The following RFX4 variants were observed in gnomAD, a reference collection of about 807,000 sequenced individuals.
RFX4 encodes the protein regulatory factor X4, also known as transcription factor RFX4.
Under a neutral mutation model 95.0 loss-of-function variants are expected in RFX4, and 10 were observed. That is an observed-to-expected ratio of 0.11 (90% CI 0.06 to 0.18). The LOEUF (loss-of-function observed/expected upper bound fraction) is 0.18, where lower values mean the gene tolerates loss of function less well. RFX4 is among the 10% of genes least tolerant of loss of function. The pLI is 1.00. For missense variants in RFX4, 640 were observed against 922.0 expected (o/e 0.69, Z 3.96); for synonymous variants, 321 against 340.7 (o/e 0.94, Z 0.64).
chr12:106,652,743 T>C (rs1159307009), intron 3 of RFX4, among the ~76,000 whole-genome samples: 2 of 152,224 alleles, frequency 1.3e-5, no homozygotes, highest in African/African-American at 4.8e-5. Context: ...ACTGATGTTC[T>C]TGCAATCACA....
At chr12:106,634,190 T>C (rs2040469243) in intron 2 of RFX4, among the ~76,000 whole-genome samples, 1 of 152,232 alleles carries the variant, frequency 6.6e-6, no homozygotes, top group Non-Finnish European at 1.5e-5. Flanking sequence ...CTTTTGTGAA[T>C]ATAAAGCAAC....
chr12:106,734,900 C>A (rs1039097072), intron 15 of RFX4, among the ~76,000 whole-genome samples: 3 of 151,904 alleles, frequency 2.0e-5, no homozygotes, highest in African/African-American at 4.8e-5. Context: ...CATCTCTACA[C>A]AAGCTTTTTA....
chr12:106,691,577 T>C (rs1286316824), intron 7 of RFX4, among the ~76,000 whole-genome samples: 1 of 152,226 alleles, frequency 6.6e-6, no homozygotes, highest in Non-Finnish European at 1.5e-5. Context: ...ACACCTTGAC[T>C]TTACAGTTGG....
At chr12:106,673,989 C>T (rs2041342336) in intron 4 of RFX4, among the ~76,000 whole-genome samples, 1 of 152,208 alleles carries the variant, frequency 6.6e-6, no homozygotes, top group Admixed American at 6.5e-5. Flanking sequence ...CACTCCCCTC[C>T]TTAAAGCCCT....
chr12:106,675,242 C>A (rs891041092), intron 4 of RFX4, among the ~76,000 whole-genome samples: 1 of 152,066 alleles, frequency 6.6e-6, no homozygotes, highest in Non-Finnish European at 1.5e-5. Context: ...ACCAGCCTGG[C>A]CAACATGGCA....
At chr12:106,722,813 G>T (rs571239149) in intron 13 of RFX4, among the ~76,000 whole-genome samples, 2 of 152,280 alleles carry the variant, frequency 1.3e-5, no homozygotes, top group African/African-American at 4.8e-5. Context: ...GTTTGCAGCA[G>T]ACAAAAGCCC....
intron 2 of RFX4, among the ~76,000 whole-genome samples, chr12:106,627,568 A>AAAACG (rs749488172): frequency 2.0e-5 from 3 of 152,020 alleles, no homozygotes; most frequent in Non-Finnish European, 4.4e-5. Flanking sequence ...AAAACAAAAC[A>AAAACG]CATCACAATT....
chr12:106,749,159 G>A (rs1407111647), intron 16 of RFX4, among the ~76,000 whole-genome samples: 1 of 151,678 alleles, frequency 6.6e-6, no homozygotes, highest in African/African-American at 2.4e-5. Flanking sequence ...AGGAGACTGA[G>A]GCAGGAGAAT....
At chr12:106,679,393 T>A (rs1181159043) in intron 4 of RFX4, among the ~76,000 whole-genome samples, 1 of 151,788 alleles carries the variant, frequency 6.6e-6, no homozygotes, top group East Asian at 1.9e-4. Flanking sequence ...AGGTGGAGGT[T>A]GCAGTGAGCT....
At chr12:106,757,702 T>C (rs1434183223) in intron 17 of RFX4, among the ~76,000 whole-genome samples, 1 of 152,214 alleles carries the variant, frequency 6.6e-6, no homozygotes, top group Non-Finnish European at 1.5e-5. Context: ...GAAAACAGTT[T>C]GTGCTCCTGA....
chr12:106,679,274 A>G (rs1323183116), intron 4 of RFX4, among the ~76,000 whole-genome samples: 1 of 152,174 alleles, frequency 6.6e-6, no homozygotes. Context: ...CCTGGCCAAC[A>G]TGGCGAAACC....
intron 2 of RFX4, among the ~76,000 whole-genome samples, chr12:106,631,481 G>T (rs900750518): frequency 8.5e-5 from 13 of 152,184 alleles, no homozygotes; most frequent in African/African-American, 3.1e-4. Context: ...CTATGTGATG[G>T]TATTTGGAGA....
chr12:106,671,309 C>T (rs556255759), intron 4 of RFX4, among the ~76,000 whole-genome samples: 3 of 152,206 alleles, frequency 2.0e-5, no homozygotes, highest in Non-Finnish European at 4.4e-5. Context: ...GGAGATCAAA[C>T]TGATCAAGAT....
intron 2 of RFX4, among the ~76,000 whole-genome samples, chr12:106,612,190 T>G (rs2039974563): frequency 6.6e-6 from 1 of 152,220 alleles, no homozygotes. Flanking sequence ...ATCTGTAGAT[T>G]GCTTTGGATA....
chr12:106,744,993 C>T (rs760878509), intron 15 of RFX4, among the ~76,000 whole-genome samples: 5 of 152,042 alleles, frequency 3.3e-5, no homozygotes, highest in South Asian at 2.1e-4. Context: ...AACTCCTGAG[C>T]GATCGTCAGT....
chr12:106,759,889 T>C (rs1566011244), intron 17 of RFX4, among the ~76,000 whole-genome samples: 1 of 152,160 alleles, frequency 6.6e-6, no homozygotes, highest in Non-Finnish European at 1.5e-5. Context: ...TTTCTTGACC[T>C]CTGAATTGCT....
At chr12:106,747,684 A>G in intron 16 of RFX4, 85 bp downstream of exon 16, 1 of 1,493,004 alleles carries the variant, frequency 6.7e-7, no homozygotes, top group South Asian at 1.3e-5. Context: ...CTGTAATCCC[A>G]GCACTTTGGG....
chr12:106,604,943 C>G (rs2039795819), intron 1 of RFX4, among the ~76,000 whole-genome samples: 1 of 152,210 alleles, frequency 6.6e-6, no homozygotes, highest in Admixed American at 6.5e-5. Flanking sequence ...GGAGAGAGAA[C>G]TGTGATTATG....
intron 4 of RFX4, among the ~76,000 whole-genome samples, chr12:106,673,649 A>G (rs1030080063): frequency 6.6e-6 from 1 of 152,210 alleles, no homozygotes; most frequent in Non-Finnish European, 1.5e-5. Context: ...AAGCAGCTCC[A>G]CCTTTGAGAA....
Sources: gnomAD v4.1 joint callset for allele counts (sites outside exome capture counted in the v4.1 genomes callset) on GRCh38, gnomAD v4.1.1 for gene constraint, MANE v1.5 for transcripts, NCBI Gene and HGNC (gene_info 2026-07-23, HGNC 2026-07-21) for gene names.